TTC28: variants seen among roughly 807,000 people sequenced by gnomAD.
TTC28 encodes tetratricopeptide repeat protein 28.
Under a neutral mutation model 198.0 loss-of-function variants are expected in TTC28, and 61 were observed. That is an observed-to-expected ratio of 0.31 (90% CI 0.25 to 0.38). The LOEUF (loss-of-function observed/expected upper bound fraction) is 0.38. TTC28 is among the 10% of genes least tolerant of loss of function. TTC28 has a pLI of 1.00. For synonymous variants in TTC28, 1,171 were observed against 1,297.8 expected, an observed-to-expected ratio of 0.90 and a Z score of 2.10; for missense variants, 2,678 against 3,164.0, an observed-to-expected ratio of 0.85 and a Z score of 3.69.
At chr22:28,516,078 G>A (rs774833544) in intron 2 of TTC28, among the ~76,000 whole-genome samples, 13 of 151,642 alleles carry the variant, frequency 8.6e-5, no homozygotes, top group Non-Finnish European at 1.3e-4. Context: ...CCCAGGAGGC[G>A]GAGGTTGCAG....
chr22:28,117,434 T>C (rs1942662450), intron 6 of TTC28, among the ~76,000 whole-genome samples: 1 of 152,178 alleles, frequency 6.6e-6, no homozygotes, highest in Non-Finnish European at 1.5e-5. Context: ...CAAATCATAT[T>C]CTAACAAAGT....
At chr22:28,504,369 GTGTC>G (rs2048575040) in intron 2 of TTC28, among the ~76,000 whole-genome samples, 1 of 152,162 alleles carries the variant, frequency 6.6e-6, no homozygotes, top group Admixed American at 6.5e-5. Context: ...GTGTGTGTGT[GTGTC>G]TGTTTGTGTA....
At chr22:28,178,963 A>G (rs1367667926) in intron 5 of TTC28, among the ~76,000 whole-genome samples, 1 of 152,188 alleles carries the variant, frequency 6.6e-6, no homozygotes, top group Non-Finnish European at 1.5e-5. Flanking sequence ...CAATCCCCAC[A>G]GATGGGGAAT....
chr22:28,296,186 T>TA lies in TTC28; in HGVS notation c.933+11dup. ...AAAAAAAATGTTTTTGGTCTGCAGATAAACTTCCTACCTCTCGATCTTTGA... is the reference window on the plus strand; with the variant it reads ...AAAAAAAATGTTTTTGGTCTGCAGATAAAACTTCCTACCTCTCGATCTTTGA... On this transcript the variant is annotated intron_variant, in intron 5 of 22. Transcript: ENST00000397906. 6.5e-7 allele frequency: 1 copy of TA among 1,537,568 alleles called. No homozygotes were observed. The highest frequency in any genetic ancestry group is 8.8e-7 in the Non-Finnish European group (1 of 1,141,556).
chr22:28,153,007 A>G (rs544502737), intron 6 of TTC28, among the ~76,000 whole-genome samples: 1 of 152,154 alleles, frequency 6.6e-6, no homozygotes, highest in Non-Finnish European at 1.5e-5. Flanking sequence ...CATAAACTCT[A>G]TTTAGGAATA....
In TTC28 at chr22:27,983,575, A is replaced by G; in HGVS notation, c.6092T>C (p.Leu2031Pro). 6.4e-7 allele frequency: 1 copy of G among 1,551,104 alleles called. No individual in the cohort carries two copies. The highest frequency in any genetic ancestry group is 8.7e-7 in the Non-Finnish European group (1 of 1,146,770). ...GCTCCTAGGCAGGGTGGATCTCTGC[A>G]GGTAAGCGTTCTTGGACCGGTCATG... ...QDHDRSKNAY[L>P]QRSTLPRSQL... The change falls in exon 23 of 23, where the codon CTG (leucine) becomes CCG (proline). Residue 2031 changes from leucine (L) to proline (P), a missense_variant. Leu to Pro is a moderately conservative substitution (Grantham distance 98, BLOSUM62 -3). Transcript: ENST00000397906.
intron 2 of TTC28, among the ~76,000 whole-genome samples, chr22:28,333,427 C>A (rs902388330): frequency 6.6e-6 from 1 of 152,098 alleles, no homozygotes; most frequent in Non-Finnish European, 1.5e-5. Context: ...AGTATCCACT[C>A]AAAACCTGAT....
In TTC28 at chr22:28,107,733, G is replaced by A. The variant is rs1942356761; in HGVS notation, c.2112C>T (p.Ala704=). The A allele has an allele frequency of 6.4e-7, 1 of 1,551,760 alleles. No individual in the cohort carries two copies. The highest frequency in any genetic ancestry group is 1.4e-5 in the African/African-American group (1 of 73,032). ...TAGCCTGGGAATTATTCAGAGACTG[G>A]GCTAGGGACAGTAGGTACTTCTGAC... The part of the protein sequence containing the change: ...EECQKYLLSL[A]QSLNNSQAKF... Residue 704 remains alanine, a synonymous_variant, in exon 7 of 23, where the codon GCC becomes GCT. Transcript: ENST00000397906.
rs1478003244 is a variant in TTC28, at chr22:28,620,949, CT to C, written c.381+8602del. ...TTACCTTAAAGTCCTGATTTGGCTC[CT>C]TCTGGCTGCTTTTTGTTTCTTAATC... On this transcript the variant is annotated intron_variant, in intron 2 of 22. Coordinates refer to ENST00000397906, the MANE Select transcript of TTC28 (RefSeq NM_001145418.2). Among the ~76,000 whole-genome samples the C allele has an allele frequency of 2.0e-5, 3 of 152,270 alleles. No individual in the cohort carries two copies. The East Asian group carries it at 5.8e-4, about 29-fold the overall frequency.
At chr22:28,552,167 C>T (rs1323007376) in intron 2 of TTC28, among the ~76,000 whole-genome samples, 1 of 152,036 alleles carries the variant, frequency 6.6e-6, no homozygotes, top group Non-Finnish European at 1.5e-5. Context: ...AGGAATATAC[C>T]TAACCAAGGA....
intron 2 of TTC28, among the ~76,000 whole-genome samples, chr22:28,539,965 G>A (rs1482478949): frequency 8.7e-6 from 1 of 115,236 alleles, no homozygotes; most frequent in Non-Finnish European, 1.7e-5. Context: ...TTTTTTCTGA[G>A]ACAGGGTCTC....
At position 28,032,237 on chromosome 22, in the gene TTC28, TATATATATATAAA is replaced by T. The variant is rs1253175849; in HGVS notation, c.3933-1884_3933-1872del. Among the ~76,000 whole-genome samples the T allele has an allele frequency of 3.0e-3, 330 of 108,528 alleles. 6 individuals are homozygous for T. The South Asian group carries it at 0.042, about 14-fold the overall frequency. The allele number at this position is 108,528 out of a possible 152,430, so 71.2% of individuals were successfully genotyped here. A position where few individuals can be genotyped will look rare whatever the true frequency, so the allele number is the denominator to read the frequency against. ...ATATATAAAATATATATATATAAAA[TATATATATATAAA>T]ATATATATATATATATAGTGTGTGT... is the stretch of plus-strand genomic sequence containing the variant. On this transcript the variant is annotated intron_variant, in intron 12 of 22. Transcript: ENST00000397906.
chr22:28,547,005 G>C (rs1201424764), intron 2 of TTC28, among the ~76,000 whole-genome samples: 2 of 152,136 alleles, frequency 1.3e-5, no homozygotes, highest in African/African-American at 4.8e-5. Flanking sequence ...AAAGGGCAAA[G>C]GGAACTTTCT....
rs1183079306 is a variant in TTC28, at chr22:28,416,486, G to A, written c.382-109843C>T. On this transcript the variant is annotated intron_variant, in intron 2 of 22. Transcript: ENST00000397906. ...CAATCTCCCCATCTCCATCCCTAAA[G>A]AACTTTATACTTTGCTAGTGACAAA... Among the ~76,000 whole-genome samples the A allele has an allele frequency of 2.6e-5, 4 of 152,152 alleles. No individual in the cohort carries two copies. In the East Asian group the frequency reaches 7.7e-4, roughly 29 times the overall value.
intron 2 of TTC28, among the ~76,000 whole-genome samples, chr22:28,621,742 T>TAAAAAAA (rs771463983): frequency 1.3e-5 from 1 of 76,136 alleles, no homozygotes; most frequent in African/African-American, 5.0e-5. Flanking sequence ...GACTGTCTCT[T>TAAAAAAA]AAAAAAAAAA....
intron 6 of TTC28, among the ~76,000 whole-genome samples, chr22:28,151,936 T>G (rs1489400470): frequency 6.6e-6 from 1 of 152,204 alleles, no homozygotes; most frequent in Non-Finnish European, 1.5e-5. Flanking sequence ...TGACAGTTTG[T>G]GTAGTCTTGT....
intron 2 of TTC28, among the ~76,000 whole-genome samples, chr22:28,444,229 G>C (rs1472529427): frequency 6.6e-6 from 1 of 152,100 alleles, no homozygotes; most frequent in East Asian, 1.9e-4. Context: ...GGAATATAAT[G>C]GGTAAACTAC....
At chr22:28,448,634 A>T (rs1010079077) in intron 2 of TTC28, among the ~76,000 whole-genome samples, 1 of 152,240 alleles carries the variant, frequency 6.6e-6, no homozygotes, top group African/African-American at 2.4e-5. Context: ...TTGCCTCATT[A>T]GTGACATTTC....
intron 2 of TTC28, among the ~76,000 whole-genome samples, chr22:28,628,367 T>C (rs1180394760): frequency 6.6e-6 from 1 of 152,226 alleles, no homozygotes; most frequent in Non-Finnish European, 1.5e-5. Flanking sequence ...CATGATATTT[T>C]TGCTTACTTA....
Sources: allele counts gnomAD v4.1 joint callset (sites outside exome capture counted in the v4.1 genomes callset), GRCh38; gene constraint gnomAD v4.1.1; transcripts MANE v1.5; gene names NCBI Gene and HGNC (gene_info 2026-07-23, HGNC 2026-07-21).